OLFML2A: variants seen among roughly 807,000 people sequenced by gnomAD.
OLFML2A encodes olfactomedin like 2A, also known as olfactomedin-like protein 2A.
In OLFML2A, 47 loss-of-function variants were observed where a neutral mutation model predicts 60.9. The ratio of observed to expected loss-of-function variants is 0.77; its 90% CI spans 0.61 to 0.98. OLFML2A has a LOEUF of 0.98. Ranked by LOEUF, OLFML2A falls within the 50% of genes least tolerant of loss-of-function variation. The pLI, the probability that OLFML2A is intolerant of heterozygous loss-of-function variation, is 0.00. For missense variants in OLFML2A, 922 were observed against 879.8 expected (o/e 1.05, Z -0.61); for synonymous variants, 372 against 375.0 (o/e 0.99, Z 0.09).
At chr9:124,806,292 T>A (rs868152220) in intron 6 of OLFML2A, among the ~76,000 whole-genome samples, 1 of 152,198 alleles carries the variant, frequency 6.6e-6, no homozygotes, top group African/African-American at 2.4e-5. Flanking sequence ...ATAATTTTTT[T>A]AAATGTGTGT....
At chr9:124,780,291 A>G (rs900327995) in intron 1 of OLFML2A, among the ~76,000 whole-genome samples, 5 of 152,134 alleles carry the variant, frequency 3.3e-5, no homozygotes, top group African/African-American at 9.7e-5. Context: ...AGAATTTTCC[A>G]TCTCTACCTC....
At chr9:124,789,012 A>G (rs961078606) in intron 2 of OLFML2A, among the ~76,000 whole-genome samples, 1 of 152,128 alleles carries the variant, frequency 6.6e-6, no homozygotes, top group Non-Finnish European at 1.5e-5. Flanking sequence ...AGTTCACTGC[A>G]GCCTCAACCT....
Position 124,779,146 on chromosome 9 carries a change from G to A in OLFML2A, c.90+1786G>A, listed in dbSNP as rs1320239245. On this transcript the variant is annotated intron_variant, in intron 1 of 7. Transcript: ENST00000373580. This position sits in a 1 kb window ranked among gnomAD's most constrained non-coding sequence, Gnocchi z 4.1. ...TGGGGAAACTAGGGTGTTTACAGAG[G>A]CAGCTGGCTTGTACATTTAAAACCC... is the stretch of plus-strand genomic sequence containing the variant. 1.3e-5 allele frequency among the ~76,000 whole-genome samples: 2 copies of A among 152,178 alleles called. No homozygotes were observed. Among genetic ancestry groups the A allele is most frequent in the Non-Finnish European group, 2.9e-5 (2 of 68,026 alleles).
chr9:124,801,253 C>T (rs920435054), intron 4 of OLFML2A, among the ~76,000 whole-genome samples, 161 bp from the exon 5 acceptor site: 1 of 152,122 alleles, frequency 6.6e-6, no homozygotes, highest in African/African-American at 2.4e-5. Flanking sequence ...ATGGATGTAG[C>T]CACCATGGTG....
rs1030139243 is a variant in OLFML2A at position 124,814,401 on chromosome 9, G to T, written c.*3989G>T. ...GTAGGGCTGTGAACTCCCTCTTACAGCTAAGAACATGCAGCTTAGTGAGGA... is the reference window on the plus strand; with the variant it reads ...GTAGGGCTGTGAACTCCCTCTTACATCTAAGAACATGCAGCTTAGTGAGGA... On this transcript the variant is annotated 3_prime_UTR_variant, in exon 8 of 8. Transcript: ENST00000373580. 6 of 152,192 alleles carry T rather than the reference G, an allele frequency of 3.9e-5. No homozygotes were observed. Among genetic ancestry groups the T allele is most frequent in the Non-Finnish European group, 7.3e-5 (5 of 68,032 alleles). The allele number at this position is 152,192 out of a possible 1,614,324, so 9.4% of individuals were successfully genotyped here. A position where few individuals can be genotyped will look rare whatever the true frequency, so the allele number is the denominator to read the frequency against.
Position 124,787,098 on chromosome 9 carries a change from G to A in OLFML2A, c.214G>A (p.Glu72Lys). The change falls in exon 2 of 8, where the codon GAG (glutamate) becomes AAG (lysine). Residue 72 changes from glutamate to lysine, a missense_variant. Physicochemically the swap from Glu to Lys is moderately conservative, Grantham distance 56 (BLOSUM62 1). Transcript: ENST00000373580. ...AGTGCGCAGTGGGCGGGCACGCGTG[G>A]AGGACTTCTACACGGTGGAGACTGT... ...SRVRSGRARV[E>K]DFYTVETVSS... is the part of the protein sequence containing the mutation. 6.2e-7 allele frequency: 1 copy of A among 1,614,162 alleles called. No homozygotes were observed.
At chr9:124,807,700 C>A in intron 6 of OLFML2A, 81 bp from the exon 7 acceptor site, 1 of 1,122,968 alleles carries the variant, frequency 8.9e-7, no homozygotes, top group South Asian at 1.6e-5. Flanking sequence ...AAGTTAGACC[C>A]AGATAACATT....
rs750015550 is a variant in OLFML2A, at chr9:124,810,281, G to T, written c.1828G>T (p.Ala610Ser). The stretch of plus-strand genomic sequence containing the variant: ...TTTCGACACGCACACGGGCACCGAC[G>T]CACGCCCCCAGCTGCCGTTCCTCAA... ...YAFDTHTGTD[A>S]RPQLPFLNEH... Residue 610 changes from alanine to serine, a missense_variant, in exon 8 of 8, where the codon GCA becomes TCA. Transcript: ENST00000373580. The T allele has an allele frequency of 6.2e-7, 1 of 1,610,352 alleles. No individual in the cohort carries two copies.
At chr9:124,802,825 C>A (rs1841806541) in intron 5 of OLFML2A, among the ~76,000 whole-genome samples, 1 of 152,208 alleles carries the variant, frequency 6.6e-6, no homozygotes, top group South Asian at 2.1e-4. Context: ...GTTCTCTGAG[C>A]CCCTCACCCA....
intron 2 of OLFML2A, 94 bp from the exon 3 acceptor site, chr9:124,794,930 G>A: frequency 2.7e-6 from 2 of 732,182 alleles, no homozygotes; most frequent in Non-Finnish European, 4.7e-6. Flanking sequence ...CCCAGGTTCT[G>A]GAGTTCTCAA....
Position 124,780,171 on chromosome 9 carries a change from G to C in OLFML2A, c.90+2811G>C, listed in dbSNP as rs115006205. On this transcript the variant is annotated intron_variant, in intron 1 of 7. Coordinates refer to ENST00000373580, the MANE Select transcript of OLFML2A (RefSeq NM_182487.4). ...CACAGCTTCCCTGGTATTTCTGAAG[G>C]GCTGCCCAGCACAGAGGTTGGAATG... Among the ~76,000 whole-genome samples the C allele has an allele frequency of 4.8e-3, 734 of 152,342 alleles. 5 individuals are homozygous for C. The highest frequency in any genetic ancestry group is 0.017 in the African/African-American group (689 of 41,558).
In OLFML2A at chr9:124,813,097, C is replaced by T. The variant is rs1842052474; in HGVS notation, c.*2685C>T. The T allele has an allele frequency of 6.6e-6, 1 of 152,098 alleles. No homozygotes were observed. Among genetic ancestry groups the T allele is most frequent in the Non-Finnish European group, 1.5e-5 (1 of 68,054 alleles). 9.4% of individuals were successfully genotyped at this position (152,098 alleles called of 1,614,324 possible). A position where few individuals can be genotyped will look rare whatever the true frequency, so the allele number is the denominator to read the frequency against. ...CTCCTGAAAAGCTGGGATTACAGGG[C>T]CCTGCCACCAAGCCCAGCTAATTGT... On this transcript the variant is annotated 3_prime_UTR_variant, in exon 8 of 8. Coordinates refer to ENST00000373580, the MANE Select transcript of OLFML2A (RefSeq NM_182487.4).
Position 124,811,017 on chromosome 9 carries a change from T to A in OLFML2A, c.*605T>A, listed in dbSNP as rs1842010061. 1 of 153,208 alleles carries A rather than the reference T, an allele frequency of 6.5e-6. No individual in the cohort carries two copies. Among genetic ancestry groups the A allele is most frequent in the African/African-American group, 2.4e-5 (1 of 41,420 alleles). 9.5% of individuals were successfully genotyped at this position (153,208 alleles called of 1,614,324 possible). ...TAGCCAATGTCCTTGTCTCTTGTCT[T>A]TGGCCAGCCCCCTCAGCCCAGCCCA... On this transcript the variant is annotated 3_prime_UTR_variant, in exon 8 of 8. Coordinates refer to ENST00000373580, the MANE Select transcript of OLFML2A (RefSeq NM_182487.4).
At position 124,792,766 on chromosome 9, in the gene OLFML2A, C is replaced by T. The variant is rs554649803; in HGVS notation, c.355-2258C>T. ...CAGTGCTGCTGGGCTTCATGAAGCC[C>T]TCTCTGTGTCCACACAGTGCTGAGC... is the stretch of plus-strand genomic sequence containing the variant. On this transcript the variant is annotated intron_variant, in intron 2 of 7. Transcript: ENST00000373580. Among the ~76,000 whole-genome samples, 18 of 152,344 alleles carry T rather than the reference C, an allele frequency of 1.2e-4. No homozygotes were observed. The East Asian group carries it at 2.9e-3, about 24-fold the overall frequency.
Position 124,804,221 on chromosome 9 carries a change from C to T in OLFML2A, c.1047C>T (p.Asp349=). The stretch of plus-strand genomic sequence containing the variant: ...AGCCCAGGTCCTCCGAGCGAGTGGA[C>T]CTGGCTTCTGGCACCCCCACTTCAA... The part of the protein sequence containing the change: ...EAEPRSSERV[D]LASGTPTSIP... The change falls in exon 6 of 8, where the codon GAC becomes GAT. Residue 349 remains aspartate, a synonymous_variant. Transcript: ENST00000373580. 2.5e-6 allele frequency: 4 copies of T among 1,614,014 alleles called. No individual in the cohort carries two copies. The highest frequency in any genetic ancestry group is 2.5e-6 in the Non-Finnish European group (3 of 1,179,978).
intron 1 of OLFML2A, among the ~76,000 whole-genome samples, chr9:124,783,100 A>G (rs1841391664): frequency 6.6e-6 from 1 of 151,492 alleles, no homozygotes; most frequent in Admixed American, 6.6e-5. Context: ...CCGAGAGGCC[A>G]GGACACACCC....
At chr9:124,784,943 G>GTTTTTTCTTTTTTTTTT (rs1841429849) in intron 1 of OLFML2A, among the ~76,000 whole-genome samples, 1 of 69,542 alleles carries the variant, frequency 1.4e-5, no homozygotes, top group Non-Finnish European at 2.5e-5. Context: ...CCTTTTACTT[G>GTTTTTTCTTTTTTTTTT]TTTTTTTTTT....
chr9:124,809,881 C>T lies in OLFML2A; in HGVS notation c.1428C>T (p.Phe476=), dbSNP rs1215026487. 1 of 1,614,164 alleles carries T rather than the reference C, an allele frequency of 6.2e-7. No homozygotes were observed. The highest frequency in any genetic ancestry group is 1.1e-5 in the South Asian group (1 of 91,086). The change falls in exon 8 of 8, where the codon TTC becomes TTT. Residue 476 remains phenylalanine (F), a synonymous_variant. Coordinates refer to ENST00000373580, the MANE Select transcript of OLFML2A (RefSeq NM_182487.4). ...GCCACGTGGTGTACCAGGGCGCCTT[C>T]TACTACAACCGCGCCTTCACCAAGA... ...GTGHVVYQGA[F]YYNRAFTKNI...
chr9:124,801,518 G>A lies in OLFML2A; in HGVS notation c.774G>A (p.Gln258=), dbSNP rs1259969602. Residue 258 remains glutamine (Q), a synonymous_variant, in exon 5 of 8, where the codon CAG becomes CAA. Coordinates refer to ENST00000373580, the MANE Select transcript of OLFML2A (RefSeq NM_182487.4). Reference sequence around the variant, plus strand: ...AACCTCCCAAGGAGAAGCTGCTTCAGGTGGAGAAGCTGAGAAAGGAGAGCG... The same window carrying A: ...AACCTCCCAAGGAGAAGCTGCTTCAAGTGGAGAAGCTGAGAAAGGAGAGCG... The part of the protein sequence containing the change: ...LPKPPKEKLL[Q]VEKLRKESGK... The A allele has an allele frequency of 6.2e-7, 1 of 1,614,158 alleles. No homozygotes were observed. Among genetic ancestry groups the A allele is most frequent in the Non-Finnish European group, 8.5e-7 (1 of 1,180,034 alleles).
Sources: allele counts gnomAD v4.1 joint callset (sites outside exome capture counted in the v4.1 genomes callset), GRCh38; gene constraint gnomAD v4.1.1; non-coding constraint Gnocchi (gnomAD v3.1); transcripts MANE v1.5; gene names NCBI Gene and HGNC (gene_info 2026-07-23, HGNC 2026-07-21).